ADD3: variants seen among roughly 807,000 people sequenced by gnomAD.
ADD3 encodes gamma-adducin.
A neutral mutation model predicts 80.2 loss-of-function variants in ADD3; 25 were observed. That is an observed-to-expected ratio of 0.31 (90% CI 0.23 to 0.44). The LOEUF (loss-of-function observed/expected upper bound fraction) is 0.44. ADD3 is among the 20% of genes least tolerant of loss of function. ADD3 has a pLI of 1.00. For synonymous variants in ADD3, 284 were observed against 289.6 expected, an observed-to-expected ratio of 0.98 and a Z score of 0.20; for missense variants, 829 against 847.5, an observed-to-expected ratio of 0.98 and a Z score of 0.27.
At chr10:110,065,448 G>C (rs1302928683) in intron 1 of ADD3, among the ~76,000 whole-genome samples, 1 of 147,230 alleles carries the variant, frequency 6.8e-6, no homozygotes, top group Non-Finnish European at 1.5e-5. Flanking sequence ...TGGTATGTTG[G>C]ACTTTACTAA....
At chr10:109,997,731 T>C (rs1035649605) in intron 1 of ADD3, among the ~76,000 whole-genome samples, 1 of 152,276 alleles carries the variant, frequency 6.6e-6, no homozygotes, top group Admixed American at 6.5e-5. Context: ...GCCACTGAAA[T>C]GTAGTTTCTA....
chr10:110,088,837 C>T (rs761204408), intron 1 of ADD3, among the ~76,000 whole-genome samples: 5 of 152,132 alleles, frequency 3.3e-5, no homozygotes, highest in Non-Finnish European at 7.4e-5. Flanking sequence ...CTTTCCCCCA[C>T]CGTGGCACGT....
chr10:110,024,775 C>T (rs986353143), intron 1 of ADD3, among the ~76,000 whole-genome samples: 3 of 152,050 alleles, frequency 2.0e-5, no homozygotes. Flanking sequence ...GTTAAACTTA[C>T]TATTTGAATC....
At position 110,133,618 on chromosome 10, in the gene ADD3, A is replaced by AAT. The variant is rs1368452159; in HGVS notation, c.*2_*3dup. On this transcript the variant is annotated 3_prime_UTR_variant, in exon 15 of 15. Transcript: ENST00000356080. ...AAAAAAAGGAGAAAGTTGAGGCCTA[A>AAT]ATAAAGTCTTTTTATAATTATTATT... 6.4e-7 allele frequency: 1 copy of AAT among 1,564,538 alleles called. No individual in the cohort carries two copies. The highest frequency in any genetic ancestry group is 2.2e-5 in the East Asian group (1 of 44,502).
chr10:110,119,794 T>C (rs993314770), intron 8 of ADD3: 1 of 412,734 alleles, frequency 2.4e-6, no homozygotes, highest in Non-Finnish European at 4.4e-6. Context: ...ATAAACATCA[T>C]TTTCCCTACA....
At chr10:110,014,968 G>A (rs1026925343) in intron 1 of ADD3, among the ~76,000 whole-genome samples, 8 of 151,790 alleles carry the variant, frequency 5.3e-5, no homozygotes, top group African/African-American at 1.9e-4. Flanking sequence ...CCGACTCCCT[G>A]GTTCAAGTGA....
At chr10:110,044,193 C>T (rs1201083413) in intron 1 of ADD3, among the ~76,000 whole-genome samples, 1 of 152,170 alleles carries the variant, frequency 6.6e-6, no homozygotes, top group Non-Finnish European at 1.5e-5. Flanking sequence ...CAGAGCGAGA[C>T]TCTGTCTCAA....
At chr10:110,067,766 A>G (rs1295132198) in intron 1 of ADD3, among the ~76,000 whole-genome samples, 1 of 152,232 alleles carries the variant, frequency 6.6e-6, no homozygotes, top group Non-Finnish European at 1.5e-5. Context: ...CTGGGTTTAC[A>G]TAGAGTTTAT....
chr10:110,119,707 T>G (rs1851212896), intron 8 of ADD3, 143 bp downstream of exon 8: 7 of 641,452 alleles, frequency 1.1e-5, no homozygotes, highest in African/African-American at 1.8e-5. Flanking sequence ...AGGCAGGGTT[T>G]TCAACTCAGT....
At chr10:110,093,919 T>G (rs1452302743) in intron 1 of ADD3, among the ~76,000 whole-genome samples, 1 of 152,206 alleles carries the variant, frequency 6.6e-6, no homozygotes, top group Non-Finnish European at 1.5e-5. Flanking sequence ...CGCCTATTTT[T>G]GAACAGTGGT....
intron 1 of ADD3, among the ~76,000 whole-genome samples, chr10:110,079,816 C>T (rs1434838322): frequency 6.6e-6 from 1 of 152,176 alleles, no homozygotes; most frequent in East Asian, 1.9e-4. Flanking sequence ...GCTGGGATTG[C>T]AGGCGTGAGC....
At chr10:110,128,317 C>G (rs1479253613) in intron 12 of ADD3, among the ~76,000 whole-genome samples, 1 of 151,798 alleles carries the variant, frequency 6.6e-6, no homozygotes, top group Admixed American at 6.6e-5. Flanking sequence ...CTTTTCTCTC[C>G]TACTTGCCAT....
intron 2 of ADD3, among the ~76,000 whole-genome samples, chr10:110,104,000 A>C (rs1222976181): frequency 6.6e-6 from 1 of 152,202 alleles, no homozygotes; most frequent in African/African-American, 2.4e-5. Flanking sequence ...CATTAGCTTG[A>C]ATCCAGAATC....
At position 110,070,810 on chromosome 10, in the gene ADD3, A is replaced by G. The variant is rs560982420; in HGVS notation, c.-29-29815A>G. ...CTGTCTTGGAAAAAGCTTACTTATCATATCTGAGGACTCTTAAAGCATTAA... is the reference window on the plus strand; with the variant it reads ...CTGTCTTGGAAAAAGCTTACTTATCGTATCTGAGGACTCTTAAAGCATTAA... On this transcript the variant is annotated intron_variant, in intron 1 of 14. Transcript: ENST00000356080. 2.0e-4 allele frequency among the ~76,000 whole-genome samples: 31 copies of G among 152,142 alleles called. No homozygotes were observed. The South Asian group carries it at 5.6e-3, about 28-fold the overall frequency.
chr10:110,054,439 C>CT (rs36097209), intron 1 of ADD3, among the ~76,000 whole-genome samples: 34 of 80,814 alleles, frequency 4.2e-4, no homozygotes, highest in Admixed American at 1.1e-3. Context: ...CCAGTTTTCT[C>CT]TTTTTTTTTT....
At chr10:110,004,184 A>G (rs144470925), upstream of ADD3, among the ~76,000 whole-genome samples, 109 of 151,906 alleles carry the variant, frequency 7.2e-4, 2 homozygotes, top group African/African-American at 2.5e-3. Context: ...ACAAAAACAG[A>G]TGAAGGAAAC....
intron 1 of ADD3, among the ~76,000 whole-genome samples, chr10:110,009,752 A>C (rs1015955093): frequency 2.6e-5 from 4 of 152,224 alleles, no homozygotes; most frequent in Non-Finnish European, 4.4e-5. Context: ...GATAACACTT[A>C]AGGTGCCCAG....
chr10:110,053,183 A>AT (rs1198392479), intron 1 of ADD3, among the ~76,000 whole-genome samples: 6 of 152,160 alleles, frequency 3.9e-5, no homozygotes, highest in Non-Finnish European at 5.9e-5. Context: ...TTTACCAGTG[A>AT]TCTGTCTACA....
At chr10:110,093,378 T>C (rs1359136749) in intron 1 of ADD3, among the ~76,000 whole-genome samples, 1 of 152,230 alleles carries the variant, frequency 6.6e-6, no homozygotes, top group African/African-American at 2.4e-5. Context: ...CCCAACAGGA[T>C]ATTTTTCTGA....
Sources: allele counts gnomAD v4.1 joint callset (sites outside exome capture counted in the v4.1 genomes callset), GRCh38; gene constraint gnomAD v4.1.1; transcripts MANE v1.5; gene names NCBI Gene and HGNC (gene_info 2026-07-23, HGNC 2026-07-21).